NCOR2: variants seen among roughly 807,000 people sequenced by gnomAD.
The protein encoded by NCOR2 is CTG repeat protein 26.
Under a neutral mutation model 262.9 loss-of-function variants are expected in NCOR2, and 81 were observed. The ratio of observed to expected loss-of-function variants is 0.31; its 90% confidence interval spans 0.26 to 0.37. NCOR2 has a LOEUF of 0.37. NCOR2 is among the 10% of genes least tolerant of loss of function. The probability of loss-of-function intolerance (pLI) is 1.00; values close to 1 mark genes in which losing one functional copy is unlikely to be tolerated. For synonymous variants in NCOR2, 1,659 were observed against 1,559.3 expected (o/e 1.06, Z -1.51); for missense variants, 3,385 against 3,621.4 (o/e 0.93, Z 1.68).
At chr12:124,436,929 T>C (rs1345111395) in intron 8 of NCOR2, among the ~76,000 whole-genome samples, 1 of 151,762 alleles carries the variant, frequency 6.6e-6, no homozygotes, top group Non-Finnish European at 1.5e-5. Context: ...CTACTAAAAA[T>C]ACAAAAATTA....
intron 13 of NCOR2, among the ~76,000 whole-genome samples, chr12:124,408,316 T>C (rs1458237597): frequency 1.3e-5 from 2 of 151,828 alleles, no homozygotes; most frequent in Non-Finnish European, 2.9e-5. Flanking sequence ...ATCGCGCCAC[T>C]GCACTGCAGC....
At chr12:124,466,326 CG>C in intron 4 of NCOR2, 40 bp from the exon 7 acceptor site, 1 of 1,577,908 alleles carries the variant, frequency 6.3e-7, no homozygotes. Context: ...AGCACCCCAG[CG>C]GGCGGAAGGA....
At chr12:124,439,406 C>G (rs1593547393) in intron 7 of NCOR2, among the ~76,000 whole-genome samples, 2 of 149,180 alleles carry the variant, frequency 1.3e-5, no homozygotes. Context: ...CAGAGGGAGA[C>G]AGAGACCCAG....
chr12:124,493,525 T>C (rs1192843012), intron 1 of NCOR2, among the ~76,000 whole-genome samples: 1 of 152,066 alleles, frequency 6.6e-6, no homozygotes, highest in African/African-American at 2.4e-5. Context: ...CTCAGAGAGG[T>C]TACGTAACTT....
At position 124,424,372 on chromosome 12, in the gene NCOR2, G is replaced by C. The variant is rs1158931908; in HGVS notation, c.1329-1817C>G. ...AAGCATTCGACGGAGACTTTGATTT[G>C]ACGTAGAAAGATCGTGCCTGCTATG... On this transcript the variant is annotated intron_variant, in intron 11 of 46. Coordinates refer to ENST00000405201, the Ensembl canonical transcript of NCOR2. Among the ~76,000 whole-genome samples the C allele has an allele frequency of 4.6e-5, 7 of 152,196 alleles. 1 individual carries two copies. The highest frequency in any genetic ancestry group is 3.4e-3 in the Middle Eastern group (1 of 294).
Position 124,350,951 on chromosome 12 carries a change from T to G in NCOR2, c.3694-214A>C, listed in dbSNP as rs1024354437. ...TCCCTTGTCAAGTGCTTCCCATGAGTGGACGCTGTTCTGGGTGCTCTCTAT... is the reference window on the plus strand; with the variant it reads ...TCCCTTGTCAAGTGCTTCCCATGAGGGGACGCTGTTCTGGGTGCTCTCTAT... On this transcript the variant is annotated intron_variant, in intron 27 of 46. Coordinates refer to ENST00000405201, the Ensembl canonical transcript of NCOR2. 2.6e-5 allele frequency among the ~76,000 whole-genome samples: 4 copies of G among 152,160 alleles called. 1 individual carries two copies. The highest frequency in any genetic ancestry group is 9.7e-5 in the African/African-American group (4 of 41,430).
At chr12:124,486,489 T>C in exon 2 of NCOR2, 2 of 1,611,052 alleles carry the variant, frequency 1.2e-6, no homozygotes, top group Non-Finnish European at 1.7e-6. Flanking sequence ...CCTCCGCCGC[T>C]GGGGCTGGAT....
chr12:124,391,504 G>C (rs1042926514), intron 16 of NCOR2, among the ~76,000 whole-genome samples: 67 of 8,902 alleles, frequency 7.5e-3, no homozygotes, highest in African/African-American at 9.9e-3. Flanking sequence ...AGCCCTGGCG[G>C]GGGGGGGGTT....
At chr12:124,406,258 G>C (rs2042268669) in intron 13 of NCOR2, among the ~76,000 whole-genome samples, 1 of 152,206 alleles carries the variant, frequency 6.6e-6, no homozygotes, top group South Asian at 2.1e-4. Flanking sequence ...GCAGGTGGTG[G>C]GCCGGATTTG....
At position 124,419,944 on chromosome 12, in the gene NCOR2, C is replaced by T. The variant is rs748560463; in HGVS notation, c.1482+13G>A. ...GAGCCTGCAAGGACAGTCACCCCCA[C>T]CTTGCCTCTTACCTGGCTCTTGCCG... On this transcript the variant is annotated intron_variant, in intron 13 of 46. Coordinates refer to ENST00000405201, the Ensembl canonical transcript of NCOR2. The T allele has an allele frequency of 2.5e-6, 4 of 1,612,202 alleles. No individual in the cohort carries two copies. In the African/African-American group the frequency reaches 5.3e-5, roughly 22 times the overall value.
At position 124,454,422 on chromosome 12, in the gene NCOR2, A is replaced by C. The variant is rs2136534397; in HGVS notation, c.762+2684T>G. Among the ~76,000 whole-genome samples, 1 of 152,280 alleles carries C rather than the reference A, an allele frequency of 6.6e-6. No homozygotes were observed. Among genetic ancestry groups the C allele is most frequent in the Non-Finnish European group, 1.5e-5 (1 of 68,014 alleles). On this transcript the variant is annotated intron_variant, in intron 6 of 46. Transcript: ENST00000405201. The surrounding 1 kb of genome is among the most constrained non-coding windows in gnomAD (Gnocchi z 5.6). ...CCCCTTGTCTCCAAAGAACCAGAGA[A>C]GACTCACTGTGGGGTCCCTGGTTCC...
In NCOR2 at chr12:124,523,075, C is replaced by T. The variant is rs1458135858; in HGVS notation, c.-118+12490G>A. Among the ~76,000 whole-genome samples, 3 of 152,190 alleles carry T rather than the reference C, an allele frequency of 2.0e-5. No homozygotes were observed. Among genetic ancestry groups the T allele is most frequent in the African/African-American group, 4.8e-5 (2 of 41,456 alleles). On this transcript the variant is annotated intron_variant, in intron 1 of 46. Transcript: ENST00000404621. This position sits in a 1 kb window ranked among gnomAD's most constrained non-coding sequence, Gnocchi z 4.0. ...TGCATCCTATTTCCCCATCCAGGCC[C>T]GGGATTCTTCTCCACAAAAGCATCA...
exon 8 of NCOR2, chr12:124,437,934 T>C (rs1021590047): frequency 1.8e-5 from 29 of 1,611,832 alleles, no homozygotes; most frequent in Non-Finnish European, 2.5e-5. Flanking sequence ...ACTTACCCAT[T>C]GTTTCCGAGC....
At chr12:124,486,407 G>A (rs143190619) in intron 2 of NCOR2, 34 bp downstream of exon 4, 1,172 of 1,609,774 alleles carry the variant, frequency 7.3e-4, no homozygotes, top group Non-Finnish European at 9.5e-4. Context: ...GAGCTCTCAC[G>A]CCCTGGACAG....
intron 1 of NCOR2, among the ~76,000 whole-genome samples, chr12:124,559,977 A>G (rs940746153): frequency 6.6e-6 from 1 of 152,352 alleles, no homozygotes; most frequent in South Asian, 2.1e-4. Context: ...TGCCTTAACC[A>G]TCCCCTCTTT....
intron 1 of NCOR2, among the ~76,000 whole-genome samples, chr12:124,521,157 G>A (rs184239042): frequency 3.3e-5 from 5 of 152,328 alleles, no homozygotes; most frequent in East Asian, 1.9e-4. Context: ...ACCCACAGCC[G>A]CAGCTACGCT....
At chr12:124,358,100 C>A (rs867380753) in intron 22 of NCOR2, among the ~76,000 whole-genome samples, 1 of 142,928 alleles carries the variant, frequency 7.0e-6, no homozygotes, top group Non-Finnish European at 1.5e-5. Context: ...TGTGTGCGCG[C>A]GCGCACGTGC....
upstream of NCOR2, among the ~76,000 whole-genome samples, chr12:124,500,045 C>T (rs976753237): frequency 7.9e-5 from 12 of 152,136 alleles, no homozygotes; most frequent in Non-Finnish European, 1.5e-4. Flanking sequence ...TGTGGCATAC[C>T]GAGAGGTGCC....
intron 1 of NCOR2, among the ~76,000 whole-genome samples, chr12:124,521,890 T>A (rs1249358738): frequency 6.6e-6 from 1 of 152,264 alleles, no homozygotes; most frequent in South Asian, 2.1e-4. Context: ...TGGTGGCGCA[T>A]ACCCGTAATT....
Sources: allele counts gnomAD v4.1 joint callset (sites outside exome capture counted in the v4.1 genomes callset), GRCh38; gene constraint gnomAD v4.1.1; non-coding constraint Gnocchi (gnomAD v3.1); transcripts MANE v1.5; gene names NCBI Gene and HGNC (gene_info 2026-07-23, HGNC 2026-07-21).